LRPPRC: variants seen among roughly 807,000 people sequenced by gnomAD.
LRPPRC encodes leucine-rich PPR motif-containing protein, mitochondrial.
LRPPRC carries 120 observed loss-of-function variants against 180.3 expected under a neutral mutation model. The ratio of observed to expected loss-of-function variants is 0.67; its 90% CI spans 0.57 to 0.77. The LOEUF is 0.77. Ranked by LOEUF, LRPPRC falls within the 30% of genes least tolerant of loss-of-function variation. The pLI, the probability that LRPPRC is intolerant of heterozygous loss-of-function variation, is 0.00. For missense variants in LRPPRC, 2,012 were observed against 1,657.2 expected, an observed-to-expected ratio of 1.21 and a Z score of -3.72; for synonymous variants, 723 against 600.0, an observed-to-expected ratio of 1.21 and a Z score of -3.00.
intron 12 of LRPPRC, 148 bp downstream of exon 12, chr2:43,963,440 A>C: frequency 1.5e-6 from 1 of 678,214 alleles, no homozygotes; most frequent in Admixed American, 2.2e-5. Context: ...GAGAAACTCC[A>C]TCTCAAAAAA....
chr2:43,908,871 T>C (rs1384524057), intron 30 of LRPPRC, among the ~76,000 whole-genome samples: 4 of 152,192 alleles, frequency 2.6e-5, no homozygotes, highest in Non-Finnish European at 2.9e-5. Context: ...AGTGACCTTA[T>C]ATAGGAAACT....
At chr2:43,976,357 AC>A (rs1476986357) in intron 5 of LRPPRC, 128 bp from the exon 6 acceptor site, 4 of 658,298 alleles carry the variant, frequency 6.1e-6, no homozygotes, top group South Asian at 1.8e-5. Context: ...TGTTTTAGAA[AC>A]CACAAAGAAA....
intron 29 of LRPPRC, among the ~76,000 whole-genome samples, chr2:43,915,650 C>A (rs559413136): frequency 6.6e-6 from 1 of 152,126 alleles, no homozygotes; most frequent in South Asian, 2.1e-4. Context: ...CTGCTCTCCA[C>A]CCTGGGTGAC....
chr2:43,977,115 T>A (rs778274285), intron 4 of LRPPRC, 40 bp downstream of exon 4: 5 of 1,607,256 alleles, frequency 3.1e-6, no homozygotes, highest in Non-Finnish European at 4.3e-6. Context: ...AGAAAAAAAA[T>A]GGTGGATGTG....
intron 1 of LRPPRC, 137 bp downstream of exon 1, chr2:43,995,662 G>A (rs1176432650): frequency 2.4e-6 from 2 of 819,086 alleles, no homozygotes; most frequent in Non-Finnish European, 3.4e-6. Context: ...GGAGCGTGGT[G>A]CGGAGCCCGG....
chr2:43,930,321 T>A (rs1316968821), intron 25 of LRPPRC, among the ~76,000 whole-genome samples: 7 of 152,162 alleles, frequency 4.6e-5, no homozygotes, highest in Admixed American at 4.6e-4. Context: ...CATGAGATCA[T>A]GGACGTAGGA....
Position 43,961,052 on chromosome 2 carries a change from G to A in LRPPRC, c.1489-418C>T, listed in dbSNP as rs924412748. The stretch of plus-strand genomic sequence containing the variant: ...TTTGTTTAACAATTTAAATATATGA[G>A]TCAAAATTTAGCTCAAATACATTTA... On this transcript the variant is annotated intron_variant, in intron 12 of 37. Transcript: ENST00000260665. Among the ~76,000 whole-genome samples, 39 of 152,062 alleles carry A rather than the reference G, an allele frequency of 2.6e-4. 1 individual carries two copies. The highest frequency in any genetic ancestry group is 8.7e-4 in the African/African-American group (36 of 41,394).
At chr2:43,987,835 A>G (rs1379471144) in intron 1 of LRPPRC, among the ~76,000 whole-genome samples, 1 of 152,172 alleles carries the variant, frequency 6.6e-6, no homozygotes, top group Non-Finnish European at 1.5e-5. Context: ...TTAATTCAAA[A>G]TATATTTACT....
At position 43,974,042 on chromosome 2, in the gene LRPPRC, T is replaced by C. The variant is rs188224964; in HGVS notation, c.1155+108A>G. On this transcript the variant is annotated intron_variant, in intron 9 of 37. Coordinates refer to ENST00000260665, the MANE Select transcript of LRPPRC (RefSeq NM_133259.4). ...CCAAAAATCTTGCAACACAAGAACA[T>C]TGTTATGATGTTTACAACTGGTCTA... 3.0e-4 allele frequency: 373 copies of C among 1,260,252 alleles called. No homozygotes were observed. The highest frequency in any genetic ancestry group is 3.7e-4 in the Non-Finnish European group (315 of 857,814). 78.1% of individuals were successfully genotyped at this position (1,260,252 alleles called of 1,614,324 possible).
chr2:43,901,234 G>C (rs1213613529), intron 32 of LRPPRC, 86 bp downstream of exon 32: 1 of 914,378 alleles, frequency 1.1e-6, no homozygotes, highest in Non-Finnish European at 1.8e-6. Flanking sequence ...GTTTCCACAT[G>C]TCTAAAAAAG....
chr2:43,905,634 T>C, intron 31 of LRPPRC, 58 bp downstream of exon 31: 1 of 1,245,978 alleles, frequency 8.0e-7, no homozygotes, highest in Non-Finnish European at 1.2e-6. Flanking sequence ...CGAAGGGCGT[T>C]ACAAGAAAAA....
intron 14 of LRPPRC, among the ~76,000 whole-genome samples, chr2:43,956,924 G>C (rs1673142786): frequency 6.6e-6 from 1 of 152,084 alleles, no homozygotes; most frequent in Non-Finnish European, 1.5e-5. Context: ...GGTGGTATGG[G>C]AGTATTCCCT....
chr2:43,946,058 A>G (rs372358451), intron 21 of LRPPRC, 55 bp downstream of exon 21: 14 of 1,551,942 alleles, frequency 9.0e-6, no homozygotes, highest in Middle Eastern at 1.7e-4. Context: ...TAATCTATCA[A>G]GGTCTGTAGA....
At chr2:43,962,804 T>C (rs573815590) in intron 12 of LRPPRC, among the ~76,000 whole-genome samples, 4 of 152,128 alleles carry the variant, frequency 2.6e-5, no homozygotes, top group Admixed American at 1.3e-4. Flanking sequence ...TGAAAAATAA[T>C]ATTCAAAAAG....
intron 13 of LRPPRC, 108 bp downstream of exon 13, chr2:43,960,433 C>A: frequency 4.0e-6 from 3 of 749,940 alleles, no homozygotes; most frequent in South Asian, 2.8e-5. Context: ...CTGGCTTTAA[C>A]AAAACATATA....
chr2:43,935,358 G>A (rs539478880), intron 23 of LRPPRC, among the ~76,000 whole-genome samples: 1 of 152,116 alleles, frequency 6.6e-6, no homozygotes, highest in Non-Finnish European at 1.5e-5. Flanking sequence ...GAATTTTCAA[G>A]AACTTTTTCA....
intron 11 of LRPPRC, among the ~76,000 whole-genome samples, chr2:43,970,775 A>C (rs1000822933): frequency 6.6e-6 from 1 of 152,180 alleles, no homozygotes; most frequent in Admixed American, 6.5e-5. Flanking sequence ...CACGGCACTC[A>C]CTTTATTAGG....
rs528659622 is a variant in LRPPRC, at chr2:43,971,485, T to TA, written c.1369+2121dup. Among the ~76,000 whole-genome samples the TA allele has an allele frequency of 1.7e-3, 107 of 62,374 alleles. 4 individuals are homozygous for TA. The East Asian group carries it at 0.018, about 11-fold the overall frequency. The allele number at this position is 62,374 out of a possible 152,430, so 40.9% of individuals were successfully genotyped here. A position where few individuals can be genotyped will look rare whatever the true frequency, so the allele number is the denominator to read the frequency against. ...AGGACCTCCTGAGGCTGTGTCACAG[T>TA]AAAAAAAAAAAAAAAAAAAGAAAAA... is the stretch of plus-strand genomic sequence containing the variant. On this transcript the variant is annotated intron_variant, in intron 11 of 37. Coordinates refer to ENST00000260665, the MANE Select transcript of LRPPRC (RefSeq NM_133259.4).
At chr2:43,931,549 TCTCTA>T (rs955288710) in intron 25 of LRPPRC, among the ~76,000 whole-genome samples, 2 of 152,202 alleles carry the variant, frequency 1.3e-5, no homozygotes, top group African/African-American at 2.4e-5. Flanking sequence ...AATGCTTTTG[TCTCTA>T]CTCTAAGTGC....
Sources: gnomAD v4.1 joint callset for allele counts (sites outside exome capture counted in the v4.1 genomes callset) on GRCh38, gnomAD v4.1.1 for gene constraint, MANE v1.5 for transcripts, NCBI Gene and HGNC (gene_info 2026-07-23, HGNC 2026-07-21) for gene names.